GNAQ: variants seen among roughly 807,000 people sequenced by gnomAD.
GNAQ encodes the protein guanine nucleotide-binding protein G(q) subunit alpha.
A neutral mutation model predicts 43.9 loss-of-function variants in GNAQ; 8 were observed. The observed-to-expected ratio is 0.18, with a 90% confidence interval of 0.11 to 0.33. GNAQ has a LOEUF of 0.33. Among genes scored for constraint, GNAQ ranks in the 10% least tolerant of loss-of-function variants. The probability of loss-of-function intolerance (pLI) is 1.00; values close to 1 mark genes in which losing one functional copy is unlikely to be tolerated. For missense variants in GNAQ, 158 were observed against 450.8 expected (o/e 0.35, Z 5.88); for synonymous variants, 155 against 170.7 (o/e 0.91, Z 0.71).
intron 1 of GNAQ, among the ~76,000 whole-genome samples, chr9:77,961,154 C>T (rs1430195268): frequency 6.6e-6 from 1 of 152,056 alleles, no homozygotes; most frequent in Non-Finnish European, 1.5e-5. Context: ...TATACTCATT[C>T]ACTTATAAAA....
chr9:77,890,185 A>G (rs1329645350), intron 2 of GNAQ, among the ~76,000 whole-genome samples: 1 of 152,126 alleles, frequency 6.6e-6, no homozygotes, highest in Non-Finnish European at 1.5e-5. Flanking sequence ...CGATTCGCAC[A>G]TATCTTTGTA....
At chr9:77,952,284 C>G (rs1822991286) in intron 1 of GNAQ, among the ~76,000 whole-genome samples, 1 of 152,080 alleles carries the variant, frequency 6.6e-6, no homozygotes, top group African/African-American at 2.4e-5. Flanking sequence ...GAATATGACC[C>G]AACAGTTCTA....
At chr9:77,813,178 A>G (rs972418946) in intron 3 of GNAQ, among the ~76,000 whole-genome samples, 9 of 152,278 alleles carry the variant, frequency 5.9e-5, no homozygotes, top group African/African-American at 2.2e-4. Context: ...TCAGCCTCCC[A>G]AAGTGCTGGG....
chr9:77,744,986 T>C (rs537171981), intron 5 of GNAQ, among the ~76,000 whole-genome samples: 1 of 152,216 alleles, frequency 6.6e-6, no homozygotes, highest in Admixed American at 6.5e-5. Context: ...GTATCGGCAG[T>C]GAACCCAGAA....
intron 1 of GNAQ, among the ~76,000 whole-genome samples, chr9:78,026,755 C>T (rs572595811): frequency 3.3e-5 from 5 of 152,226 alleles, no homozygotes; most frequent in Non-Finnish European, 7.3e-5. Context: ...CTTAAATTGG[C>T]TACAGCACTT....
intron 1 of GNAQ, among the ~76,000 whole-genome samples, chr9:77,975,729 G>A (rs752521809): frequency 2.6e-5 from 4 of 151,824 alleles, no homozygotes; most frequent in Non-Finnish European, 1.5e-5. Flanking sequence ...TAGTAGAGAC[G>A]GGGTTTCACC....
intron 5 of GNAQ, among the ~76,000 whole-genome samples, chr9:77,769,254 T>G (rs1367889944): frequency 6.6e-6 from 1 of 151,974 alleles, no homozygotes; most frequent in Non-Finnish European, 1.5e-5. Context: ...ATAAAAATAT[T>G]AGCCAGGGGT....
intron 1 of GNAQ, among the ~76,000 whole-genome samples, chr9:77,951,092 CTTT>C (rs35044662): frequency 6.7e-5 from 6 of 89,296 alleles, no homozygotes; most frequent in South Asian, 9.1e-4. Context: ...GTCAAGTGTT[CTTT>C]TTTTTTTTTT....
In GNAQ at chr9:77,761,282, C is replaced by G. The variant is rs1315641505; in HGVS notation, c.736-32615G>C. Among the ~76,000 whole-genome samples, 640 of 110,404 alleles carry G rather than the reference C, an allele frequency of 5.8e-3. 5 individuals carry two copies. Among genetic ancestry groups the G allele is most frequent in the African/African-American group, 0.02 (606 of 29,828 alleles). 72.4% of individuals were successfully genotyped at this position (110,404 alleles called of 152,430 possible). ...CTGTCCGGGAGGGAGGTGGGGGGGT[C>G]AGCCCCCCGCCTGGCCAGCCGCCCC... On this transcript the variant is annotated intron_variant, in intron 5 of 6. Coordinates refer to ENST00000286548, the MANE Select transcript of GNAQ (RefSeq NM_002072.5).
chr9:77,996,508 T>A (rs901696084), intron 1 of GNAQ, among the ~76,000 whole-genome samples: 1 of 151,696 alleles, frequency 6.6e-6, no homozygotes, highest in Non-Finnish European at 1.5e-5. Flanking sequence ...TGAAACCCTA[T>A]CCCTACAAAA....
chr9:77,998,069 C>T lies in GNAQ; in HGVS notation c.136+33031G>A, dbSNP rs968524905. 9.9e-5 allele frequency among the ~76,000 whole-genome samples: 15 copies of T among 152,148 alleles called. No individual in the cohort carries two copies. The South Asian group carries it at 1.0e-3, about 11-fold the overall frequency. ...CTTCTCATACACACACACACGCACA[C>T]GCGCGCATGTACACACACGCTGGCG... On this transcript the variant is annotated intron_variant, in intron 1 of 6. Transcript: ENST00000286548.
chr9:77,915,897 A>G (rs1227054445), intron 2 of GNAQ, among the ~76,000 whole-genome samples: 1 of 152,208 alleles, frequency 6.6e-6, no homozygotes, highest in African/African-American at 2.4e-5. Context: ...GTAATTTGTA[A>G]CACCATCATT....
At chr9:77,871,506 GAA>G (rs959708443) in intron 2 of GNAQ, among the ~76,000 whole-genome samples, 4 of 152,182 alleles carry the variant, frequency 2.6e-5, no homozygotes, top group Non-Finnish European at 5.9e-5. Flanking sequence ...TTTAGGGGTA[GAA>G]AGGTGGGATG....
At chr9:77,958,765 G>C (rs1823072268) in intron 1 of GNAQ, among the ~76,000 whole-genome samples, 1 of 152,152 alleles carries the variant, frequency 6.6e-6, no homozygotes, top group African/African-American at 2.4e-5. Context: ...ACAGGGAGCA[G>C]TACCGACTGT....
At chr9:77,728,787 C>A in intron 5 of GNAQ, 120 bp from the exon 6 acceptor site, 1 of 678,562 alleles carries the variant, frequency 1.5e-6, no homozygotes, top group East Asian at 2.6e-5. Context: ...TTTTGTAGCC[C>A]TGTGTTGGAT....
chr9:77,745,671 A>G (rs572403171), intron 5 of GNAQ, among the ~76,000 whole-genome samples: 2 of 152,042 alleles, frequency 1.3e-5, no homozygotes, highest in African/African-American at 4.8e-5. Flanking sequence ...ATAATTCTAG[A>G]AAATTTCTCA....
chr9:77,901,158 T>C (rs1038997778), intron 2 of GNAQ, among the ~76,000 whole-genome samples: 14 of 152,144 alleles, frequency 9.2e-5, no homozygotes, highest in Admixed American at 3.9e-4. Context: ...ACCTGTGTAG[T>C]ACCCGATAGT....
chr9:77,895,237 C>T (rs1170345072), intron 2 of GNAQ, among the ~76,000 whole-genome samples: 2 of 151,606 alleles, frequency 1.3e-5, no homozygotes, highest in Non-Finnish European at 2.9e-5. Flanking sequence ...AACATCGACT[C>T]TGTGCAAGGC....
chr9:77,757,227 A>C (rs138832939), intron 5 of GNAQ, among the ~76,000 whole-genome samples: 475 of 152,346 alleles, frequency 3.1e-3, no homozygotes, highest in Non-Finnish European at 5.2e-3. Context: ...CAAATAGATA[A>C]GAATCTATCC....
Sources: gnomAD v4.1 joint callset for allele counts (sites outside exome capture counted in the v4.1 genomes callset) on GRCh38, gnomAD v4.1.1 for gene constraint, MANE v1.5 for transcripts, NCBI Gene and HGNC (gene_info 2026-07-23, HGNC 2026-07-21) for gene names.